The following BLK variants were observed in gnomAD, a reference collection of about 807,000 sequenced individuals.
BLK encodes the protein BLK proto-oncogene, Src family tyrosine kinase.
A neutral mutation model predicts 61.8 loss-of-function variants in BLK; 64 were observed. The ratio of observed to expected loss-of-function variants is 1.03; its 90% CI spans 0.85 to 1.27. BLK has a LOEUF of 1.27. Ranked by LOEUF, BLK falls within the 50% of genes most tolerant of loss-of-function variation. BLK has a pLI of 0.00. For missense variants in BLK, 853 were observed against 660.5 expected (o/e 1.29, Z -3.19); for synonymous variants, 351 against 272.0 (o/e 1.29, Z -2.86).
At chr8:11,516,795 A>C (rs1469032462) in intron 1 of BLK, among the ~76,000 whole-genome samples, 1 of 152,220 alleles carries the variant, frequency 6.6e-6, no homozygotes, top group Non-Finnish European at 1.5e-5. Flanking sequence ...TCCATTGTAC[A>C]TATAGCCCAC....
intron 1 of BLK, among the ~76,000 whole-genome samples, chr8:11,525,083 C>T (rs1037894018): frequency 1.3e-5 from 2 of 152,148 alleles, no homozygotes; most frequent in Non-Finnish European, 2.9e-5. Flanking sequence ...AATGTGATTC[C>T]TAAAAGGCTC....
At chr8:11,506,849 A>T (rs957202181) in intron 1 of BLK, among the ~76,000 whole-genome samples, 10 of 152,188 alleles carry the variant, frequency 6.6e-5, no homozygotes, top group African/African-American at 2.4e-4. Context: ...ACTCTCAGGG[A>T]GGCCACTTGA....
chr8:11,495,007 C>G (rs1020571744), intron 1 of BLK, among the ~76,000 whole-genome samples: 2 of 152,190 alleles, frequency 1.3e-5, no homozygotes, highest in African/African-American at 4.8e-5. Context: ...CGGGGAGCAT[C>G]TGGCTCAAGG....
intron 2 of BLK, among the ~76,000 whole-genome samples, chr8:11,544,567 CTGAT>C (rs1310739514): frequency 6.6e-6 from 1 of 152,126 alleles, no homozygotes; most frequent in Non-Finnish European, 1.5e-5. Flanking sequence ...TGGACTTAGA[CTGAT>C]TGAGTAATTT....
chr8:11,542,018 T>A (rs950584121), intron 1 of BLK, among the ~76,000 whole-genome samples: 4 of 152,236 alleles, frequency 2.6e-5, no homozygotes, highest in Non-Finnish European at 5.9e-5. Context: ...ATTTTTCGCT[T>A]CTGTGGCTTG....
At chr8:11,499,164 T>C (rs1053544763) in intron 1 of BLK, among the ~76,000 whole-genome samples, 1 of 152,234 alleles carries the variant, frequency 6.6e-6, no homozygotes, top group Non-Finnish European at 1.5e-5. Flanking sequence ...CCTGTACCTG[T>C]TCTATGTTTA....
Position 11,556,789 on chromosome 8 carries a change from G to C in BLK, c.904G>C (p.Val302Leu). 1 of 1,614,230 alleles carries C rather than the reference G, an allele frequency of 6.2e-7. No homozygotes were observed. The highest frequency in any genetic ancestry group is 8.5e-7 in the Non-Finnish European group (1 of 1,180,040). ...CGAGCGGCTGGTCCGACTCTACGCA[G>C]TGGTCACCAAGGAGCCCATCTACAT... ...QHERLVRLYA[V>L]VTKEPIYIVT... The change falls in exon 9 of 13, where the codon GTG becomes CTG. Residue 302 changes from valine to leucine, a missense_variant. Val to Leu is a conservative substitution (Grantham distance 32). Transcript: ENST00000259089.
chr8:11,554,335 A>G (rs1057287204), intron 6 of BLK: 1 of 302,174 alleles, frequency 3.3e-6, no homozygotes, highest in Non-Finnish European at 6.4e-6. Context: ...TGCTTGTAGG[A>G]GTAAGAGATA....
At chr8:11,536,666 C>G (rs1800145743) in intron 1 of BLK, among the ~76,000 whole-genome samples, 1 of 152,148 alleles carries the variant, frequency 6.6e-6, no homozygotes. Context: ...CTCAACCTCG[C>G]AAGTGCTGGG....
intron 8 of BLK, 154 bp from the exon 9 acceptor site, chr8:11,556,504 G>T (rs11250147): frequency 1.8e-5 from 16 of 869,218 alleles, no homozygotes; most frequent in African/African-American, 8.3e-5. Flanking sequence ...ACGCAAGGTA[G>T]GCACCACACA....
In BLK at chr8:11,564,515, C is replaced by T; in HGVS notation, c.*407C>T. On this transcript the variant is annotated 3_prime_UTR_variant, in exon 13 of 13. Transcript: ENST00000259089. Reference sequence around the variant, plus strand: ...CCCGCTACAGAAGCCAGACTGGGTCCCGCGGACGCCAGCAGGGGCAGCCCC... The same window carrying T: ...CCCGCTACAGAAGCCAGACTGGGTCTCGCGGACGCCAGCAGGGGCAGCCCC... 1 of 492,832 alleles carries T rather than the reference C, an allele frequency of 2.0e-6. No homozygotes were observed. The highest frequency in any genetic ancestry group is 1.5e-5 in the South Asian group (1 of 64,742). The allele number at this position is 492,832 out of a possible 1,614,324, so 30.5% of individuals were successfully genotyped here.
chr8:11,546,024 TAACTC>T, intron 2 of BLK, 23 bp from the exon 3 acceptor site: 1 of 1,613,188 alleles, frequency 6.2e-7, no homozygotes, highest in Non-Finnish European at 8.5e-7. Context: ...GGGACTGAAA[TAACTC>T]AAGTGTGTGT....
At chr8:11,509,900 G>T (rs1427464497) in intron 1 of BLK, 1 of 152,124 alleles carries the variant, frequency 6.6e-6, no homozygotes, top group African/African-American at 2.4e-5. Context: ...TAGCACCTTA[G>T]ATTCTTCTCT....
intron 1 of BLK, among the ~76,000 whole-genome samples, chr8:11,513,860 TG>T (rs1799120264): frequency 6.6e-6 from 1 of 152,080 alleles, no homozygotes; most frequent in South Asian, 2.1e-4. Flanking sequence ...GAAGGGGGCT[TG>T]GGGTAATGGA....
intron 1 of BLK, among the ~76,000 whole-genome samples, chr8:11,540,386 G>T (rs1585382729): frequency 6.6e-6 from 1 of 151,936 alleles, no homozygotes; most frequent in African/African-American, 2.4e-5. Context: ...TCTGATGATT[G>T]TTGTCTACTT....
intron 1 of BLK, among the ~76,000 whole-genome samples, chr8:11,517,570 C>T (rs1387158465): frequency 6.6e-6 from 1 of 152,246 alleles, no homozygotes; most frequent in Non-Finnish European, 1.5e-5. Flanking sequence ...TCAAGCCTTC[C>T]TCCCCGGCCT....
At chr8:11,510,030 A>G (rs2117281752) in intron 1 of BLK, 1 of 152,248 alleles carries the variant, frequency 6.6e-6, no homozygotes. Flanking sequence ...TGTGAACTCT[A>G]TCACCATTTC....
chr8:11,540,780 G>C (rs1275217381), intron 1 of BLK, among the ~76,000 whole-genome samples: 1 of 151,248 alleles, frequency 6.6e-6, no homozygotes, highest in Non-Finnish European at 1.5e-5. Context: ...CCCAGACACA[G>C]ATGGCTTCAC....
intron 1 of BLK, among the ~76,000 whole-genome samples, chr8:11,495,062 G>T (rs1394178317): frequency 6.6e-6 from 1 of 152,214 alleles, no homozygotes; most frequent in Non-Finnish European, 1.5e-5. Flanking sequence ...TCTGAATGAA[G>T]TTGTTCCATT....
Sources: gnomAD v4.1 joint callset for allele counts (sites outside exome capture counted in the v4.1 genomes callset) on GRCh38, gnomAD v4.1.1 for gene constraint, MANE v1.5 for transcripts, NCBI Gene and HGNC (gene_info 2026-07-23, HGNC 2026-07-21) for gene names.